Variants in RBFOX1 observed in about 807,000 individuals in gnomAD.
The protein encoded by RBFOX1 is RNA binding protein fox-1 homolog 1.
RBFOX1 carries 8 observed loss-of-function variants against 57.7 expected under a neutral mutation model. That is an observed-to-expected ratio of 0.14 (90% CI 0.08 to 0.25). The LOEUF (loss-of-function observed/expected upper bound fraction) is 0.25, where lower values mean the gene tolerates loss of function less well. Ranked by LOEUF, RBFOX1 falls within the 10% of genes least tolerant of loss-of-function variation. The pLI is 1.00. For synonymous variants in RBFOX1, 326 were observed against 222.4 expected (o/e 1.47, Z -4.15); for missense variants, 611 against 548.5 (o/e 1.11, Z -1.14).
At chr16:6,927,026 A>G (rs548878633) in intron 3 of RBFOX1, among the ~76,000 whole-genome samples, 11 of 152,180 alleles carry the variant, frequency 7.2e-5, no homozygotes, top group East Asian at 5.8e-4. Context: ...AGCGATTACT[A>G]TTAACCCTTC....
At chr16:6,862,477 C>T (rs992324153) in intron 3 of RBFOX1, among the ~76,000 whole-genome samples, 2 of 152,158 alleles carry the variant, frequency 1.3e-5, no homozygotes, top group African/African-American at 4.8e-5. Context: ...ATTACAGTTA[C>T]CTAGGAAAAG....
At chr16:5,867,444 TG>T (rs2057369554) in intron 4 of RBFOX1, 2 of 798,206 alleles carry the variant, frequency 2.5e-6, no homozygotes, top group Non-Finnish European at 3.4e-6. Context: ...TTTCATTTCC[TG>T]GTGGCTTGGA....
chr16:6,424,535 T>G (rs111444177), intron 2 of RBFOX1, among the ~76,000 whole-genome samples: 1 of 152,120 alleles, frequency 6.6e-6, no homozygotes, highest in African/African-American at 2.4e-5. Context: ...CAGCCCTCAC[T>G]TTAAAGAATT....
At chr16:6,626,240 G>C (rs921394176) in intron 2 of RBFOX1, among the ~76,000 whole-genome samples, 1 of 147,840 alleles carries the variant, frequency 6.8e-6, no homozygotes, top group African/African-American at 2.5e-5. Context: ...TTTGTGTCCT[G>C]TTCAACAAAT....
intron 2 of RBFOX1, among the ~76,000 whole-genome samples, chr16:6,397,041 C>T (rs765847162): frequency 5.3e-5 from 8 of 151,958 alleles, no homozygotes; most frequent in Non-Finnish European, 1.2e-4. Flanking sequence ...TGATTATTAA[C>T]AGAAGACTAG....
intron 4 of RBFOX1, among the ~76,000 whole-genome samples, chr16:7,473,308 G>C (rs1467566693): frequency 6.6e-6 from 1 of 151,598 alleles, no homozygotes; most frequent in Non-Finnish European, 1.5e-5. Context: ...AACTCAGGAG[G>C]CGGAGGTTGT....
intron 2 of RBFOX1, among the ~76,000 whole-genome samples, chr16:5,552,329 C>T (rs1196014400): frequency 6.6e-6 from 1 of 152,140 alleles, no homozygotes; most frequent in Non-Finnish European, 1.5e-5. Flanking sequence ...AGTGTTTCTG[C>T]CTTATTTTTC....
At chr16:7,435,139 C>G (rs531770135) in intron 4 of RBFOX1, among the ~76,000 whole-genome samples, 13 of 152,224 alleles carry the variant, frequency 8.5e-5, no homozygotes, top group African/African-American at 3.1e-4. Context: ...TTACCTCGTT[C>G]TTTTCTGTTC....
Position 5,458,267 on chromosome 16 carries a change from T to A in RBFOX1, c.220-8949T>A, listed in dbSNP as rs941669860. 2.6e-5 allele frequency among the ~76,000 whole-genome samples: 4 copies of A among 152,178 alleles called. No homozygotes were observed. The South Asian group carries it at 8.3e-4, about 31-fold the overall frequency. On this transcript the variant is annotated intron_variant, in intron 1 of 2. Transcript: ENST00000585867. ...CACTGTCAGCCCAGCATGTGCTGCA[T>A]GTAGTCATTTTCTATGTCATCGATG...
intron 5 of RBFOX1, among the ~76,000 whole-genome samples, chr16:7,559,414 C>A (rs1281699618): frequency 6.6e-6 from 1 of 152,164 alleles, no homozygotes; most frequent in Admixed American, 6.5e-5. Context: ...GGAAGTCTTG[C>A]TTGACTCCAG....
intron 3 of RBFOX1, among the ~76,000 whole-genome samples, chr16:6,692,046 C>G (rs1457283562): frequency 6.6e-6 from 1 of 152,062 alleles, no homozygotes; most frequent in African/African-American, 2.4e-5. Flanking sequence ...TCATTTCAGT[C>G]CAGTAAAAGA....
At chr16:6,303,542 G>T (rs1051488220) in intron 1 of RBFOX1, among the ~76,000 whole-genome samples, 1 of 152,036 alleles carries the variant, frequency 6.6e-6, no homozygotes, top group Non-Finnish European at 1.5e-5. Context: ...TGTACTGAGG[G>T]TTTGCTTTTT....
intron 4 of RBFOX1, among the ~76,000 whole-genome samples, chr16:7,501,829 T>C (rs1012252040): frequency 2.0e-5 from 3 of 152,182 alleles, no homozygotes; most frequent in Non-Finnish European, 2.9e-5. Flanking sequence ...ACATACCCTA[T>C]TGCACTGTAA....
intron 7 of RBFOX1, among the ~76,000 whole-genome samples, chr16:7,588,154 C>T (rs918936707): frequency 4.6e-5 from 7 of 152,070 alleles, no homozygotes; most frequent in African/African-American, 7.2e-5. Context: ...ACCACAGCCT[C>T]GGTGAACAGA....
intron 2 of RBFOX1, among the ~76,000 whole-genome samples, chr16:6,564,069 C>G (rs922081435): frequency 6.6e-6 from 1 of 152,070 alleles, no homozygotes; most frequent in African/African-American, 2.4e-5. Context: ...CTCCACCAAC[C>G]TTAACCTCAC....
At chr16:5,311,456 G>T (rs776792084) in intron 1 of RBFOX1, among the ~76,000 whole-genome samples, 1 of 152,152 alleles carries the variant, frequency 6.6e-6, no homozygotes, top group African/African-American at 2.4e-5. Flanking sequence ...TCTACATTTA[G>T]TTCTTTAAGA....
chr16:6,102,124 A>T (rs2096317766), intron 1 of RBFOX1, among the ~76,000 whole-genome samples: 1 of 150,234 alleles, frequency 6.7e-6, no homozygotes, highest in Non-Finnish European at 1.5e-5. Context: ...TCTGAACAGC[A>T]GTATGAGTTT....
intron 3 of RBFOX1, among the ~76,000 whole-genome samples, chr16:6,908,240 C>T (rs547354919): frequency 6.6e-6 from 1 of 151,828 alleles, no homozygotes; most frequent in Non-Finnish European, 1.5e-5. Flanking sequence ...GGCATTTCAT[C>T]TTCTCTCCTC....
intron 4 of RBFOX1, among the ~76,000 whole-genome samples, chr16:7,364,575 CAAA>C (rs1183081362): frequency 3.8e-5 from 2 of 52,492 alleles, no homozygotes; most frequent in East Asian, 1.1e-3. Context: ...TCAAGAAGAC[CAAA>C]AAAAAAAAAA....
Sources: allele counts gnomAD v4.1 joint callset (sites outside exome capture counted in the v4.1 genomes callset), GRCh38; gene constraint gnomAD v4.1.1; transcripts MANE v1.5; gene names NCBI Gene and HGNC (gene_info 2026-07-23, HGNC 2026-07-21).